Variants in REPS2 observed in about 807,000 individuals in gnomAD.
REPS2 encodes the protein ralBP1-associated Eps domain-containing protein 2.
A neutral mutation model predicts 53.6 loss-of-function variants in REPS2; 23 were observed. That is an observed-to-expected ratio of 0.43 (90% confidence interval 0.31 to 0.61). The LOEUF is 0.61. REPS2 is among the 20% of genes least tolerant of loss of function. The pLI, the probability that REPS2 is intolerant of heterozygous loss-of-function variation, is 0.11. For synonymous variants in REPS2, 238 were observed against 218.6 expected (o/e 1.09, Z -0.78); for missense variants, 446 against 534.9 (o/e 0.83, Z 1.64).
At chrX:17,178,688 C>A in the REPS2 span, among the ~76,000 whole-genome samples, 1 of 111,367 alleles carries the variant, frequency 9.0e-6, no homozygotes, top group African/African-American at 3.3e-5. Flanking sequence ...CCAGCACTTT[C>A]GGAGGCCAAG....
intron 2 of REPS2, among the ~76,000 whole-genome samples, chrX:17,010,559 A>T (rs970501677): frequency 3.6e-5 from 4 of 111,584 alleles, no homozygotes; most frequent in African/African-American, 1.3e-4. Flanking sequence ...AATATTCCTT[A>T]CAGGTTTCAC....
intron 13 of REPS2, among the ~76,000 whole-genome samples, chrX:17,099,121 T>C (rs1387972852): frequency 1.8e-5 from 2 of 111,811 alleles, no homozygotes; most frequent in Non-Finnish European, 1.9e-5. Flanking sequence ...GGGAACACCA[T>C]GGCTTATAGA....
At chrX:17,140,250 A>T (rs766145915) in intron 17 of REPS2, among the ~76,000 whole-genome samples, 18 of 109,194 alleles carry the variant, frequency 1.6e-4, no homozygotes, top group African/African-American at 4.7e-4. Flanking sequence ...TAATATTATT[A>T]TTTTTTTTTC....
At chrX:17,007,923 A>T (rs961233301) in intron 2 of REPS2, among the ~76,000 whole-genome samples, 3 of 112,498 alleles carry the variant, frequency 2.7e-5, no homozygotes, top group African/African-American at 6.5e-5. Flanking sequence ...TAGAATTTGG[A>T]GCCAGGATCT....
the REPS2 span, among the ~76,000 whole-genome samples, chrX:17,196,558 G>A: frequency 1.8e-5 from 2 of 111,897 alleles, no homozygotes; most frequent in South Asian, 7.6e-4. Context: ...CAACCAGGAA[G>A]TGGACCCTCA....
chrX:16,951,498 T>C (rs1602480494), intron 1 of REPS2, among the ~76,000 whole-genome samples: 1 of 70,604 alleles, frequency 1.4e-5, no homozygotes, highest in African/African-American at 5.8e-5. Context: ...CAAAACCCCA[T>C]CTACACACAC....
At position 17,033,304 on chromosome X, in the gene REPS2, A is replaced by G. The variant is rs745666569; in HGVS notation, c.771+3681A>G. Among the ~76,000 whole-genome samples the G allele has an allele frequency of 4.5e-5, 5 of 110,257 alleles. No homozygotes were observed. In the East Asian group the frequency reaches 1.4e-3, roughly 32 times the overall value. On this transcript the variant is annotated intron_variant, in intron 5 of 17. Transcript: ENST00000357277. The stretch of plus-strand genomic sequence containing the variant: ...GGCTGCCCCTGCCTCATTTGTTTCA[A>G]TCCTCCTTCCTCTGCCCTCCCCTTG...
At chrX:17,189,367 C>T in the REPS2 span, among the ~76,000 whole-genome samples, 1 of 108,660 alleles carries the variant, frequency 9.2e-6, no homozygotes, top group Admixed American at 9.8e-5. Context: ...CTCACTGCAA[C>T]CTCCGCCTCC....
intron 15 of REPS2, 107 bp from the exon 16 acceptor site, chrX:17,135,154 C>T: frequency 7.3e-6 from 6 of 824,560 alleles, no homozygotes; most frequent in Non-Finnish European, 1.0e-5. Flanking sequence ...AGAGTACCCT[C>T]CTGATCTTGG....
intron 5 of REPS2, among the ~76,000 whole-genome samples, chrX:17,034,228 A>C (rs1309594951): frequency 1.8e-5 from 2 of 111,572 alleles, no homozygotes; most frequent in Non-Finnish European, 3.8e-5. Context: ...GGAACATTTT[A>C]CGCATGTACA....
downstream of REPS2, among the ~76,000 whole-genome samples, chrX:17,156,059 C>CA (rs1313031129): frequency 8.9e-6 from 1 of 111,792 alleles, no homozygotes. Flanking sequence ...GAAAATGCTT[C>CA]AAGTAGAGCA....
In REPS2 at chrX:17,054,962, C is replaced by G. The variant is rs764960965; in HGVS notation, c.1114+12C>G. 8.3e-7 allele frequency: 1 copy of G among 1,204,498 alleles called. No homozygotes were observed. The highest frequency in any genetic ancestry group is 1.8e-5 in the South Asian group (1 of 55,677). On this transcript the variant is annotated intron_variant, in intron 8 of 17. Coordinates refer to ENST00000357277, the MANE Select transcript of REPS2 (RefSeq NM_004726.3). ...ATACCTGCAGGCAGGTAAGGCCTCA[C>G]CATCAACTGTAAACCTTAAGTACTT... is the stretch of plus-strand genomic sequence containing the variant.
rs772537041 is a variant in REPS2 at position 17,131,706 on chromosome X, C to T, written c.1579-2118C>T. Among the ~76,000 whole-genome samples, 4 of 111,331 alleles carry T rather than the reference C, an allele frequency of 3.6e-5. No homozygotes were observed. The South Asian group carries it at 1.5e-3, about 43-fold the overall frequency. ...GAAATGGGGGACATAGAGAGCTGCT[C>T]ATGAGGCGCAGTCACCCTGTGTTCT... On this transcript the variant is annotated intron_variant, in intron 14 of 17. Coordinates refer to ENST00000357277, the MANE Select transcript of REPS2 (RefSeq NM_004726.3).
chrX:17,068,564 G>A, intron 10 of REPS2, 93 bp downstream of exon 10: 1 of 639,620 alleles, frequency 1.6e-6, no homozygotes, highest in Non-Finnish European at 2.4e-6. Context: ...GCATATGAGG[G>A]TGGTTCTCAG....
Position 16,946,871 on chromosome X carries a change from G to A in REPS2, c.10G>A (p.Ala4Thr). Residue 4 changes from alanine (A) to threonine (T), a missense_variant, in exon 1 of 18, where the codon GCA becomes ACA. Coordinates refer to ENST00000357277, the MANE Select transcript of REPS2 (RefSeq NM_004726.3). ...CCCCCTTGCTGGCCCCATGGAGGCG[G>A]CAGCGGCGGCGGCGGCGGCGGCAGC... MEA[A>T]AAAAAAAAAA... 1.3e-6 allele frequency: 1 copy of A among 766,454 alleles called. No homozygotes were observed. The highest frequency in any genetic ancestry group is 1.5e-6 in the Non-Finnish European group (1 of 649,834). 63.2% of individuals were successfully genotyped at this position (766,454 alleles called of 1,213,427 possible).
intron 1 of REPS2, among the ~76,000 whole-genome samples, chrX:17,000,913 C>T (rs1437785104): frequency 9.0e-6 from 1 of 111,666 alleles, no homozygotes; most frequent in Non-Finnish European, 1.9e-5. Context: ...TGGATTTGAC[C>T]CATGAGCGGT....
At chrX:17,071,029 A>G (rs1319273151) in intron 11 of REPS2, among the ~76,000 whole-genome samples, 1 of 112,215 alleles carries the variant, frequency 8.9e-6, no homozygotes, top group Non-Finnish European at 1.9e-5. Context: ...GTTCTGGTAC[A>G]TAGCCTATTT....
chrX:17,085,900 C>T (rs2062528128), intron 13 of REPS2, among the ~76,000 whole-genome samples: 1 of 111,541 alleles, frequency 9.0e-6, no homozygotes, highest in Non-Finnish European at 1.9e-5. Context: ...ACAAAATTAA[C>T]AATAATTCTT....
chrX:17,052,377 G>A lies in REPS2; in HGVS notation c.908-5G>A. ...ATGGTTTATTTAAACAATGGCACTT[G>A]ACAGGTTCTGTGGCCAAGAACTTCT... On this transcript the variant is annotated splice_polypyrimidine_tract_variant and splice_region_variant and intron_variant, in intron 6 of 17. Transcript: ENST00000357277. 1 of 1,203,017 alleles carries A rather than the reference G, an allele frequency of 8.3e-7. No individual in the cohort carries two copies. Among genetic ancestry groups the A allele is most frequent in the East Asian group, 3.0e-5 (1 of 33,594 alleles).
Sources: allele counts gnomAD v4.1 joint callset (sites outside exome capture counted in the v4.1 genomes callset), GRCh38; gene constraint gnomAD v4.1.1; transcripts MANE v1.5; gene names NCBI Gene and HGNC (gene_info 2026-07-23, HGNC 2026-07-21).